Variants in ETS1 observed in about 807,000 individuals in gnomAD.
The protein encoded by ETS1 is protein C-ets-1.
ETS1 carries 15 observed loss-of-function variants against 58.6 expected under a neutral mutation model. The ratio of observed to expected loss-of-function variants is 0.26; its 90% CI spans 0.17 to 0.39. ETS1 has a LOEUF of 0.39. Ranked by LOEUF, ETS1 falls within the 10% of genes least tolerant of loss-of-function variation. The pLI, the probability that ETS1 is intolerant of heterozygous loss-of-function variation, is 1.00. For synonymous variants in ETS1, 214 were observed against 218.2 expected (o/e 0.98, Z 0.17); for missense variants, 417 against 610.5 (o/e 0.68, Z 3.34).
intron 8 of ETS1, among the ~76,000 whole-genome samples, chr11:128,466,388 G>T (rs1364512326): frequency 2.0e-5 from 3 of 152,194 alleles, no homozygotes; most frequent in Non-Finnish European, 4.4e-5. Flanking sequence ...ACATCTGCTG[G>T]TGCTGGAGAA....
At chr11:128,504,886 A>G (rs1565385910) in intron 3 of ETS1, 2 of 152,242 alleles carry the variant, frequency 1.3e-5, no homozygotes, top group Non-Finnish European at 2.9e-5. Flanking sequence ...GATTTTACAG[A>G]TTCATGATGC....
At chr11:128,483,556 G>A (rs532139603) in intron 7 of ETS1, among the ~76,000 whole-genome samples, 25 of 152,308 alleles carry the variant, frequency 1.6e-4, no homozygotes, top group South Asian at 4.1e-4. Flanking sequence ...GGGGAAGGCC[G>A]ACTGGTCCCA....
intron 1 of ETS1, among the ~76,000 whole-genome samples, chr11:128,582,995 A>G (rs1864905069): frequency 6.6e-6 from 1 of 151,958 alleles, no homozygotes; most frequent in African/African-American, 2.4e-5. Context: ...CTTTTTCTTT[A>G]GAGCAGTGCC....
intron 2 of ETS1, among the ~76,000 whole-genome samples, chr11:128,561,912 G>T (rs1864411188): frequency 6.6e-6 from 1 of 152,196 alleles, no homozygotes; most frequent in African/African-American, 2.4e-5. Flanking sequence ...AAGGAAAATG[G>T]CAGTCAGGAC....
In ETS1 at chr11:128,566,073, G is replaced by A. The variant is rs115291492; in HGVS notation, c.69+6989C>T. On this transcript the variant is annotated intron_variant, in intron 2 of 9. Transcript: ENST00000392668. ...GAAAACGAGGTCTGTTTACACAATG[G>A]GGTTGTAAACCACCGGCTGTGACAA... 5.7e-3 allele frequency among the ~76,000 whole-genome samples: 865 copies of A among 152,260 alleles called. 12 individuals are homozygous for A. Among genetic ancestry groups the A allele is most frequent in the African/African-American group, 0.019 (786 of 41,550 alleles).
intron 8 of ETS1, among the ~76,000 whole-genome samples, chr11:128,478,849 T>C (rs962362363): frequency 2.6e-5 from 4 of 152,170 alleles, no homozygotes; most frequent in Non-Finnish European, 2.9e-5. Context: ...CTTTCAAAGA[T>C]GGGAAAGGAC....
At chr11:128,483,265 A>G (rs1212522346) in intron 7 of ETS1, among the ~76,000 whole-genome samples, 1 of 152,192 alleles carries the variant, frequency 6.6e-6, no homozygotes, top group African/African-American at 2.4e-5. Flanking sequence ...GGTAGGGACC[A>G]AAACCAAGAA....
chr11:128,551,737 C>G (rs1656532906), intron 3 of ETS1, among the ~76,000 whole-genome samples: 1 of 152,148 alleles, frequency 6.6e-6, no homozygotes, highest in Non-Finnish European at 1.5e-5. Flanking sequence ...GGGTCACTCT[C>G]TGACTCAATG....
intron 8 of ETS1, among the ~76,000 whole-genome samples, chr11:128,471,558 A>G (rs1391296740): frequency 6.6e-6 from 1 of 152,238 alleles, no homozygotes; most frequent in Non-Finnish European, 1.5e-5. Context: ...TTGGACAGTG[A>G]GCCAGTGAAG....
chr11:128,516,197 C>T (rs779305267), intron 3 of ETS1, among the ~76,000 whole-genome samples: 1 of 152,156 alleles, frequency 6.6e-6, no homozygotes, highest in Non-Finnish European at 1.5e-5. Flanking sequence ...ATTTGGAAAA[C>T]ATCCACTGAA....
At chr11:128,540,654 T>A (rs1218376633) in intron 3 of ETS1, among the ~76,000 whole-genome samples, 2 of 152,198 alleles carry the variant, frequency 1.3e-5, no homozygotes. Flanking sequence ...CCTTCTTTTC[T>A]AAACTTCCTA....
intron 8 of ETS1, among the ~76,000 whole-genome samples, 180 bp downstream of exon 8, chr11:128,480,011 T>C (rs1314554809): frequency 6.6e-6 from 1 of 151,722 alleles, no homozygotes. Context: ...CAAAAATCAA[T>C]GGCTATTCAC....
intron 3 of ETS1, among the ~76,000 whole-genome samples, chr11:128,533,974 T>G (rs1175227703): frequency 6.6e-6 from 1 of 152,234 alleles, no homozygotes; most frequent in Non-Finnish European, 1.5e-5. Context: ...TGATCTAAGA[T>G]GGTACATTCA....
chr11:128,584,348 A>T (rs1255907900), intron 1 of ETS1, among the ~76,000 whole-genome samples: 3 of 152,248 alleles, frequency 2.0e-5, no homozygotes, highest in Non-Finnish European at 2.9e-5. Flanking sequence ...TTCCTATGAC[A>T]TGCAGTTCCA....
intron 3 of ETS1, among the ~76,000 whole-genome samples, chr11:128,499,703 G>A (rs977454760): frequency 2.6e-5 from 4 of 152,092 alleles, no homozygotes; most frequent in South Asian, 2.1e-4. Context: ...CTCAATCCCC[G>A]AGACTCTCTA....
chr11:128,498,908 C>T (rs963579122), intron 3 of ETS1, among the ~76,000 whole-genome samples: 1 of 152,204 alleles, frequency 6.6e-6, no homozygotes, highest in South Asian at 2.1e-4. Flanking sequence ...ACATGACATA[C>T]TTTATAGTTC....
Position 128,480,469 on chromosome 11 carries a change from G to A in ETS1, c.863-18C>T. ...GAGTTTACCTGGAGGTAAAGGAGGA[G>A]GTAGGAAGAGGACAGGGGGAGGAGG... is the stretch of plus-strand genomic sequence containing the variant. On this transcript the variant is annotated intron_variant, in intron 7 of 9. Transcript: ENST00000392668. The A allele has an allele frequency of 6.3e-7, 1 of 1,591,714 alleles. No individual in the cohort carries two copies. The highest frequency in any genetic ancestry group is 8.6e-7 in the Non-Finnish European group (1 of 1,160,078).
chr11:128,512,903 C>G (rs1438926127), intron 3 of ETS1, among the ~76,000 whole-genome samples: 8 of 152,264 alleles, frequency 5.3e-5, no homozygotes, highest in Non-Finnish European at 1.5e-5. Context: ...AGCAGCTGGA[C>G]TAGCTGCTTC....
intron 1 of ETS1, among the ~76,000 whole-genome samples, chr11:128,583,282 C>T (rs940464085): frequency 2.0e-5 from 3 of 152,230 alleles, no homozygotes; most frequent in Admixed American, 2.0e-4. Flanking sequence ...ATGCTGGTAA[C>T]CTCAGGTGCA....
Sources: gnomAD v4.1 joint callset for allele counts (sites outside exome capture counted in the v4.1 genomes callset) on GRCh38, gnomAD v4.1.1 for gene constraint, MANE v1.5 for transcripts, NCBI Gene and HGNC (gene_info 2026-07-23, HGNC 2026-07-21) for gene names.